RASL12: variants seen among roughly 807,000 people sequenced by gnomAD.
RASL12 encodes RAS like family 12.
Under a neutral mutation model 22.9 loss-of-function variants are expected in RASL12, and 16 were observed. The observed-to-expected ratio is 0.70, with a 90% confidence interval of 0.47 to 1.06. RASL12 has a LOEUF of 1.06. Ranked by LOEUF, RASL12 falls within the 50% of genes least tolerant of loss-of-function variation. The pLI, the probability that RASL12 is intolerant of heterozygous loss-of-function variation, is 0.00. For missense variants in RASL12, 306 were observed against 353.1 expected, an observed-to-expected ratio of 0.87 and a Z score of 1.07; for synonymous variants, 159 against 152.2, an observed-to-expected ratio of 1.04 and a Z score of -0.33.
intron 4 of RASL12, 64 bp from the exon 5 acceptor site, chr15:65,055,338 C>T (rs1043173936): frequency 6.4e-6 from 9 of 1,410,964 alleles, no homozygotes; most frequent in Non-Finnish European, 2.8e-6. Flanking sequence ...GGCAGACCAG[C>T]TCCTACACCC....
intron 2 of RASL12, among the ~76,000 whole-genome samples, chr15:65,064,450 C>G (rs982110097): frequency 1.3e-5 from 2 of 152,182 alleles, no homozygotes; most frequent in African/African-American, 4.8e-5. Context: ...TACCATGATG[C>G]AGCGATGAAA....
the RASL12 span, among the ~76,000 whole-genome samples, chr15:65,046,615 A>G: frequency 6.6e-6 from 1 of 152,044 alleles, no homozygotes; most frequent in East Asian, 1.9e-4. Context: ...TATTAAACAT[A>G]TTTTAAACAT....
At chr15:65,073,500 T>C (rs1011217869) in intron 1 of RASL12, among the ~76,000 whole-genome samples, 1 of 152,144 alleles carries the variant, frequency 6.6e-6, no homozygotes, top group Non-Finnish European at 1.5e-5. Context: ...CTGCCACTGA[T>C]CTGACAGAAG....
At chr15:65,055,715 C>T (rs2086723149) in intron 4 of RASL12, among the ~76,000 whole-genome samples, 1 of 152,152 alleles carries the variant, frequency 6.6e-6, no homozygotes, top group Non-Finnish European at 1.5e-5. Context: ...GTGGGATCAG[C>T]TCTAGAGAGA....
intron 1 of RASL12, among the ~76,000 whole-genome samples, chr15:65,074,823 G>A (rs896990893): frequency 6.6e-5 from 10 of 152,266 alleles, no homozygotes; most frequent in Non-Finnish European, 1.2e-4. Flanking sequence ...GCAGGTGCAC[G>A]GTATATGGTC....
chr15:65,066,885 A>C (rs1595909310), intron 1 of RASL12, among the ~76,000 whole-genome samples: 1 of 152,152 alleles, frequency 6.6e-6, no homozygotes, highest in South Asian at 2.1e-4. Flanking sequence ...AACTGGAAAA[A>C]CAGCCAGTGG....
At chr15:65,075,238 A>G (rs2946640) in intron 1 of RASL12, among the ~76,000 whole-genome samples, 73,009 of 152,142 alleles carry the variant, frequency 0.48, 18,520 homozygotes, top group East Asian at 0.72. Flanking sequence ...TTGATTTCTC[A>G]CCGGGCCTTA....
downstream of RASL12, chr15:65,052,882 T>C: frequency 7.6e-7 from 1 of 1,314,256 alleles, no homozygotes; most frequent in South Asian, 1.3e-5. Flanking sequence ...AATTTTCCCC[T>C]TAGACTCTTT....
upstream of RASL12, among the ~76,000 whole-genome samples, chr15:65,072,218 T>C (rs1175468455): frequency 1.3e-5 from 2 of 152,128 alleles, no homozygotes; most frequent in Non-Finnish European, 2.9e-5. Context: ...CATCCCCCCA[T>C]CTCCTCCTCC....
chr15:65,050,124 C>T, downstream of RASL12: 1 of 1,541,126 alleles, frequency 6.5e-7, no homozygotes, highest in Non-Finnish European at 8.8e-7. Context: ...AGATTGACGG[C>T]AGGGGTGGGG....
At chr15:65,047,714 G>A in the RASL12 span, among the ~76,000 whole-genome samples, 2 of 152,102 alleles carry the variant, frequency 1.3e-5, no homozygotes, top group Non-Finnish European at 2.9e-5. Context: ...CACATCTGTT[G>A]GCCATTCTTG....
intron 1 of RASL12, among the ~76,000 whole-genome samples, chr15:65,066,650 A>G (rs1427631375): frequency 6.6e-6 from 1 of 152,220 alleles, no homozygotes; most frequent in Non-Finnish European, 1.5e-5. Flanking sequence ...CACTGGCTAA[A>G]CGGTACCGGT....
At chr15:65,055,399 G>A (rs2086719302) in intron 4 of RASL12, 125 bp from the exon 5 acceptor site, 1 of 777,208 alleles carries the variant, frequency 1.3e-6, no homozygotes, top group South Asian at 1.9e-5. Context: ...ACCTCTCTGA[G>A]TCTCAGCGTT....
chr15:65,065,346 G>A (rs1030019769), intron 1 of RASL12, 73 bp from the exon 2 acceptor site: 8 of 1,412,600 alleles, frequency 5.7e-6, no homozygotes, highest in Non-Finnish European at 7.9e-6. Context: ...TTTAAGGGAG[G>A]CCTTATCTAA....
downstream of RASL12, chr15:65,049,460 A>G (rs868356955): frequency 6.6e-6 from 1 of 152,040 alleles, no homozygotes; most frequent in African/African-American, 2.4e-5. Context: ...AGGCGTGCCA[A>G]TCCCCAGGAG....
At position 65,054,269 on chromosome 15, in the gene RASL12, A is replaced by C. The variant is rs1478492168; in HGVS notation, c.*630T>G. 1.0e-6 allele frequency: 1 copy of C among 985,740 alleles called. No individual in the cohort carries two copies. The highest frequency in any genetic ancestry group is 1.2e-6 in the Non-Finnish European group (1 of 830,058). The allele number at this position is 985,740 out of a possible 1,614,324, so 61.1% of individuals were successfully genotyped here. On this transcript the variant is annotated 3_prime_UTR_variant, in exon 5 of 5. Coordinates refer to ENST00000220062, the MANE Select transcript of RASL12 (RefSeq NM_016563.4). ...GGACAACCTACAGTCCCTCCCTTTT[A>C]TCCTCATTGAGACGCCAAGTGTTGG...
downstream of RASL12, chr15:65,049,857 C>A (rs1034491228): frequency 2.7e-5 from 14 of 525,260 alleles, no homozygotes; most frequent in Admixed American, 3.7e-5. Context: ...AGATCAAACT[C>A]GGGTGGGATA....
At chr15:65,055,963 A>C (rs2086725891) in intron 4 of RASL12, among the ~76,000 whole-genome samples, 1 of 152,146 alleles carries the variant, frequency 6.6e-6, no homozygotes, top group Non-Finnish European at 1.5e-5. Context: ...GAGAGGGGGC[A>C]ACACCTATTC....
upstream of RASL12, among the ~76,000 whole-genome samples, chr15:65,072,723 C>A (rs1260210122): frequency 6.6e-6 from 1 of 152,158 alleles, no homozygotes; most frequent in Non-Finnish European, 1.5e-5. Flanking sequence ...AGCAGGAGGC[C>A]TGAGGCTGTC....
Sources: allele counts gnomAD v4.1 joint callset (sites outside exome capture counted in the v4.1 genomes callset), GRCh38; gene constraint gnomAD v4.1.1; transcripts MANE v1.5; gene names NCBI Gene and HGNC (gene_info 2026-07-23, HGNC 2026-07-21).